Variants in DPP6 observed in about 807,000 individuals in gnomAD.
The protein encoded by DPP6 is dipeptidyl peptidase like 6, also known as A-type potassium channel modulatory protein DPP6.
DPP6 carries 69 observed loss-of-function variants against 122.6 expected under a neutral mutation model. The ratio of observed to expected loss-of-function variants is 0.56; its 90% confidence interval spans 0.46 to 0.69. DPP6 has a LOEUF of 0.69. Ranked by LOEUF, DPP6 falls within the 30% of genes least tolerant of loss-of-function variation. The pLI, the probability that DPP6 is intolerant of heterozygous loss-of-function variation, is 0.00. For missense variants in DPP6, 928 were observed against 1,116.9 expected (o/e 0.83, Z 2.41); for synonymous variants, 418 against 433.1 (o/e 0.97, Z 0.43).
At chr7:153,856,514 G>A in the DPP6 span, among the ~76,000 whole-genome samples, 1 of 152,018 alleles carries the variant, frequency 6.6e-6, no homozygotes, top group Non-Finnish European at 1.5e-5. Context: ...AAAATATTTA[G>A]TACACATCTG....
chr7:154,424,531 T>G (rs1485634508), intron 1 of DPP6, among the ~76,000 whole-genome samples: 2 of 152,176 alleles, frequency 1.3e-5, no homozygotes, highest in Non-Finnish European at 2.9e-5. Flanking sequence ...TGACACCGAC[T>G]CTTCTCCCTC....
At chr7:154,750,173 A>G (rs1362472505) in intron 8 of DPP6, among the ~76,000 whole-genome samples, 4 of 152,164 alleles carry the variant, frequency 2.6e-5, no homozygotes, top group Non-Finnish European at 5.9e-5. Flanking sequence ...GGCCGCTGAC[A>G]TGGGTCTTTA....
chr7:154,703,686 G>A (rs1394130300), intron 7 of DPP6, among the ~76,000 whole-genome samples: 4 of 151,648 alleles, frequency 2.6e-5, no homozygotes, highest in Non-Finnish European at 5.9e-5. Context: ...GCCTGTACTT[G>A]CAGCACTTTA....
chr7:153,985,680 T>C (rs1429780695), intron 1 of DPP6, among the ~76,000 whole-genome samples: 1 of 152,202 alleles, frequency 6.6e-6, no homozygotes, highest in Admixed American at 6.5e-5. Flanking sequence ...CATACTGTAG[T>C]AGACATTGAA....
At chr7:154,412,843 C>A (rs934462261) in intron 1 of DPP6, among the ~76,000 whole-genome samples, 7 of 152,186 alleles carry the variant, frequency 4.6e-5, no homozygotes, top group Admixed American at 4.6e-4. Context: ...TGTGCATGGG[C>A]ACACAAGGCA....
intron 1 of DPP6, among the ~76,000 whole-genome samples, chr7:154,269,306 T>G (rs1236449900): frequency 6.6e-6 from 1 of 152,188 alleles, no homozygotes; most frequent in Non-Finnish European, 1.5e-5. Context: ...GCTGTCTGAT[T>G]CTAAAGCTAG....
intron 1 of DPP6, among the ~76,000 whole-genome samples, chr7:154,155,818 C>T (rs1796649744): frequency 6.6e-6 from 1 of 152,204 alleles, no homozygotes; most frequent in Non-Finnish European, 1.5e-5. Flanking sequence ...TCCAGTCAAC[C>T]TCAGCTCTCA....
At chr7:154,327,261 G>A (rs1442820342) in intron 1 of DPP6, among the ~76,000 whole-genome samples, 1 of 152,194 alleles carries the variant, frequency 6.6e-6, no homozygotes, top group Non-Finnish European at 1.5e-5. Context: ...AAAAAGCCGT[G>A]TTAAGTGCTT....
intron 1 of DPP6, among the ~76,000 whole-genome samples, chr7:154,211,008 T>A (rs750223787): frequency 6.6e-6 from 1 of 152,176 alleles, no homozygotes; most frequent in Non-Finnish European, 1.5e-5. Flanking sequence ...TAGTCGATAG[T>A]GGAGCTGGGA....
chr7:154,433,578 C>T lies in DPP6; in HGVS notation c.244-12636C>T, dbSNP rs144434376. Among the ~76,000 whole-genome samples the T allele has an allele frequency of 5.3e-5, 8 of 152,230 alleles. No individual in the cohort carries two copies. In the East Asian group the frequency reaches 9.7e-4, roughly 18 times the overall value. Reference sequence around the variant, plus strand: ...AGAGGGTCCAGGAATCTGCATTTGACGTGCACACCCGGGGGTTCTAAGGCT... The same window carrying T: ...AGAGGGTCCAGGAATCTGCATTTGATGTGCACACCCGGGGGTTCTAAGGCT... On this transcript the variant is annotated intron_variant, in intron 1 of 25. Transcript: ENST00000377770.
chr7:154,567,555 T>C (rs1052789227), intron 5 of DPP6, among the ~76,000 whole-genome samples: 2 of 152,200 alleles, frequency 1.3e-5, no homozygotes, highest in African/African-American at 2.4e-5. Context: ...TTTTAAATAG[T>C]TGGAAGGTGA....
At chr7:154,425,584 A>T (rs1384260056) in intron 1 of DPP6, among the ~76,000 whole-genome samples, 2 of 146,246 alleles carry the variant, frequency 1.4e-5, no homozygotes, top group African/African-American at 5.0e-5. Flanking sequence ...TTCTGTTTAT[A>T]GGTTAGTTTG....
chr7:154,772,798 T>A, intron 9 of DPP6, 47 bp from the exon 10 acceptor site: 4 of 1,586,754 alleles, frequency 2.5e-6, no homozygotes, highest in Non-Finnish European at 3.4e-6. Flanking sequence ...AAGTTCACTC[T>A]TGTATAAGGC....
intron 1 of DPP6, among the ~76,000 whole-genome samples, chr7:153,925,712 G>T (rs1800866159): frequency 6.6e-6 from 1 of 152,170 alleles, no homozygotes; most frequent in South Asian, 2.1e-4. Flanking sequence ...CATGGTAGAG[G>T]GTCCCCAAGG....
chr7:154,147,474 CTT>C (rs1796157340), intron 1 of DPP6, among the ~76,000 whole-genome samples: 1 of 135,516 alleles, frequency 7.4e-6, no homozygotes, highest in African/African-American at 3.6e-5. Flanking sequence ...TCCTTCCTTC[CTT>C]CCTTCCTTCC....
chr7:153,965,269 T>G (rs1294126691), intron 1 of DPP6, among the ~76,000 whole-genome samples: 1 of 152,004 alleles, frequency 6.6e-6, no homozygotes, highest in African/African-American at 2.4e-5. Context: ...CAGTTTGCAG[T>G]CTAGATAATA....
At chr7:154,750,950 G>C (rs1297627484) in intron 8 of DPP6, among the ~76,000 whole-genome samples, 1 of 152,202 alleles carries the variant, frequency 6.6e-6, no homozygotes, top group African/African-American at 2.4e-5. Context: ...TCCAAGGCAA[G>C]AGAGCACGTA....
intron 1 of DPP6, among the ~76,000 whole-genome samples, chr7:154,087,741 C>A (rs905371029): frequency 6.6e-6 from 1 of 152,140 alleles, no homozygotes; most frequent in Non-Finnish European, 1.5e-5. Flanking sequence ...AATTTTATAG[C>A]CCAGTGGTCA....
intron 1 of DPP6, among the ~76,000 whole-genome samples, chr7:154,151,381 GATTTTGT>G: frequency 6.6e-6 from 1 of 152,186 alleles, no homozygotes. Flanking sequence ...GCACTGATCT[GATTTTGT>G]CACTGCATTC....
Sources: allele counts gnomAD v4.1 joint callset (sites outside exome capture counted in the v4.1 genomes callset), GRCh38; gene constraint gnomAD v4.1.1; transcripts MANE v1.5; gene names NCBI Gene and HGNC (gene_info 2026-07-23, HGNC 2026-07-21).